Variants in PLXNA2 observed in about 807,000 individuals in gnomAD.
PLXNA2 encodes the protein plexin A2.
A neutral mutation model predicts 193.5 loss-of-function variants in PLXNA2; 91 were observed. That is an observed-to-expected ratio of 0.47 (90% confidence interval 0.40 to 0.56). The LOEUF (loss-of-function observed/expected upper bound fraction) is 0.56. PLXNA2 is among the 20% of genes least tolerant of loss of function. PLXNA2 has a pLI of 0.00. For missense variants in PLXNA2, 1,995 were observed against 2,503.2 expected, an observed-to-expected ratio of 0.80 and a Z score of 4.33; for synonymous variants, 997 against 1,027.3, an observed-to-expected ratio of 0.97 and a Z score of 0.56.
At chr1:208,165,930 G>T (rs1164684191) in intron 3 of PLXNA2, among the ~76,000 whole-genome samples, 1 of 152,120 alleles carries the variant, frequency 6.6e-6, no homozygotes, top group Non-Finnish European at 1.5e-5. Context: ...GCTCAGAAAG[G>T]TCCCCACTAA....
chr1:208,166,103 G>A (rs1332523648), intron 3 of PLXNA2, among the ~76,000 whole-genome samples: 2 of 152,146 alleles, frequency 1.3e-5, no homozygotes, highest in African/African-American at 2.4e-5. Context: ...AATCATAAGG[G>A]CAGATTATGT....
rs999158129 is a variant in PLXNA2 at position 208,024,299 on chromosome 1, G to A, written c.*2944C>T. 3.3e-5 allele frequency: 5 copies of A among 152,114 alleles called. No homozygotes were observed. Among genetic ancestry groups the A allele is most frequent in the African/African-American group, 9.7e-5 (4 of 41,414 alleles). 9.4% of individuals were successfully genotyped at this position (152,114 alleles called of 1,614,324 possible). On this transcript the variant is annotated 3_prime_UTR_variant, in exon 32 of 32. Coordinates refer to ENST00000367033, the MANE Select transcript of PLXNA2 (RefSeq NM_025179.4). ...AAAATATCCTCAAATTGGATAACAGGGAGAAGAGAGGCCAACCAACTCCCT... is the reference window on the plus strand; with the variant it reads ...AAAATATCCTCAAATTGGATAACAGAGAGAAGAGAGGCCAACCAACTCCCT...
chr1:208,236,836 C>A lies in PLXNA2; in HGVS notation c.-81+6807G>T, dbSNP rs990875152. ...CTTCGGAAATACAAGACTACACATACCCACATCATTCTTGAAGATATAGAA... is the reference window on the plus strand; with the variant it reads ...CTTCGGAAATACAAGACTACACATAACCACATCATTCTTGAAGATATAGAA... On this transcript the variant is annotated intron_variant, in intron 1 of 31. Transcript: ENST00000367033. This position sits in a 1 kb window ranked among gnomAD's most constrained non-coding sequence, Gnocchi z 4.4. 1.3e-5 allele frequency among the ~76,000 whole-genome samples: 2 copies of A among 152,210 alleles called. No individual in the cohort carries two copies. The highest frequency in any genetic ancestry group is 2.4e-5 in the African/African-American group (1 of 41,458).
At chr1:208,031,198 T>G (rs1664491380) in intron 29 of PLXNA2, 1 of 1,038,782 alleles carries the variant, frequency 9.6e-7, no homozygotes, top group South Asian at 3.4e-5. Context: ...CCACTCAGAA[T>G]GCCCCACGAT....
In PLXNA2 at chr1:208,090,516, C is replaced by T. The variant is rs186118149; in HGVS notation, c.2097+2270G>A. 2.8e-3 allele frequency among the ~76,000 whole-genome samples: 423 copies of T among 152,174 alleles called. 2 individuals carry two copies. Among genetic ancestry groups the T allele is most frequent in the Non-Finnish European group, 4.4e-3 (301 of 68,012 alleles). On this transcript the variant is annotated intron_variant, in intron 9 of 31. Coordinates refer to ENST00000367033, the MANE Select transcript of PLXNA2 (RefSeq NM_025179.4). Reference sequence around the variant, plus strand: ...GACTTCCGAATGGTGTGAGGAAGGCCGGGCCTGCTTCCAATTAGCCTGCAG... The same window carrying T: ...GACTTCCGAATGGTGTGAGGAAGGCTGGGCCTGCTTCCAATTAGCCTGCAG...
rs1664262473 is a variant in PLXNA2, at chr1:208,023,873, C to G, written c.*3370G>C. The G allele has an allele frequency of 6.6e-6, 1 of 152,290 alleles. No homozygotes were observed. The highest frequency in any genetic ancestry group is 2.1e-4 in the South Asian group (1 of 4,828). 9.4% of individuals were successfully genotyped at this position (152,290 alleles called of 1,614,324 possible). A position where few individuals can be genotyped will look rare whatever the true frequency, so the allele number is the denominator to read the frequency against. Reference sequence around the variant, plus strand: ...GAATGAATGCAGGAAACAGTTCCCTCCTCCAATGAGATTAACAGCTGATCC... The same window carrying G: ...GAATGAATGCAGGAAACAGTTCCCTGCTCCAATGAGATTAACAGCTGATCC... On this transcript the variant is annotated 3_prime_UTR_variant, in exon 32 of 32. Coordinates refer to ENST00000367033, the MANE Select transcript of PLXNA2 (RefSeq NM_025179.4).
intron 4 of PLXNA2, 101 bp downstream of exon 4, chr1:208,142,228 C>T: frequency 1.5e-6 from 2 of 1,325,196 alleles, no homozygotes; most frequent in Non-Finnish European, 2.0e-6. Context: ...GCTGCAAGCC[C>T]AGAGGTCTCT....
chr1:208,094,043 C>T (rs182400711), intron 8 of PLXNA2, among the ~76,000 whole-genome samples: 80 of 152,346 alleles, frequency 5.3e-4, no homozygotes, highest in African/African-American at 1.8e-3. Flanking sequence ...AGCCCATTTA[C>T]ACTTCATCTT....
intron 4 of PLXNA2, among the ~76,000 whole-genome samples, chr1:208,128,623 T>C (rs565406998): frequency 2.0e-5 from 3 of 152,050 alleles, no homozygotes; most frequent in Non-Finnish European, 2.9e-5. Context: ...TTTTCATAGA[T>C]ATTTTCCTTT....
intron 12 of PLXNA2, among the ~76,000 whole-genome samples, chr1:208,078,332 T>C (rs1273041263): frequency 1.3e-5 from 2 of 152,234 alleles, no homozygotes; most frequent in Admixed American, 1.3e-4. Flanking sequence ...GATATAATCA[T>C]AGAGACGTTC....
intron 1 of PLXNA2, among the ~76,000 whole-genome samples, chr1:208,234,179 G>T (rs1671779178): frequency 3.9e-5 from 6 of 152,114 alleles, no homozygotes; most frequent in Non-Finnish European, 7.4e-5. Context: ...TTGGAGGGCA[G>T]TGAATGGCAG....
chr1:208,078,906 C>T (rs1285244516), intron 12 of PLXNA2, among the ~76,000 whole-genome samples: 2 of 152,112 alleles, frequency 1.3e-5, no homozygotes, highest in Non-Finnish European at 2.9e-5. Context: ...CTGAGAAAAG[C>T]TAAACCTGTT....
intron 4 of PLXNA2, among the ~76,000 whole-genome samples, chr1:208,109,801 C>T (rs1193496110): frequency 1.3e-5 from 2 of 152,176 alleles, no homozygotes; most frequent in Non-Finnish European, 1.5e-5. Flanking sequence ...GAGTCCACTG[C>T]GAGATCCGAG....
chr1:208,027,966 T>A, intron 31 of PLXNA2, 43 bp downstream of exon 31: 1 of 1,515,014 alleles, frequency 6.6e-7, no homozygotes, highest in Non-Finnish European at 8.9e-7. Flanking sequence ...GGCTTCCTGC[T>A]CCTTGCCTGT....
At chr1:208,228,184 C>CT (rs1404251691) in intron 1 of PLXNA2, among the ~76,000 whole-genome samples, 2 of 152,124 alleles carry the variant, frequency 1.3e-5, no homozygotes, top group African/African-American at 2.4e-5. Flanking sequence ...TTTTGCAGAC[C>CT]TTCCTTGTTA....
intron 3 of PLXNA2, among the ~76,000 whole-genome samples, chr1:208,163,491 G>C (rs1669198885): frequency 6.6e-6 from 1 of 152,192 alleles, no homozygotes; most frequent in African/African-American, 2.4e-5. Flanking sequence ...GGGAGTTAGA[G>C]AGCTCACCTT....
intron 17 of PLXNA2, among the ~76,000 whole-genome samples, chr1:208,049,318 T>A (rs1665178291): frequency 6.8e-6 from 1 of 147,290 alleles, no homozygotes; most frequent in South Asian, 2.4e-4. Context: ...TTTTTTTTTT[T>A]TTTAAATCCT....
rs115509894 is a variant in PLXNA2 at position 208,039,234 on chromosome 1, G to A, written c.4501-250C>T. Reference sequence around the variant, plus strand: ...TACTTTCTAGCTCCTGGACAGCTTAGGGGAGACTATAGTCCTGGAATGAGG... The same window carrying A: ...TACTTTCTAGCTCCTGGACAGCTTAAGGGAGACTATAGTCCTGGAATGAGG... On this transcript the variant is annotated intron_variant, in intron 24 of 31. Transcript: ENST00000367033. Among the ~76,000 whole-genome samples, 409 of 152,278 alleles carry A rather than the reference G, an allele frequency of 2.7e-3. 2 individuals are homozygous for A. Among genetic ancestry groups the A allele is most frequent in the African/African-American group, 9.4e-3 (390 of 41,544 alleles).
chr1:208,060,831 T>A lies in PLXNA2; in HGVS notation c.2593A>T (p.Thr865Ser). 5.6e-6 allele frequency: 9 copies of A among 1,613,654 alleles called. No individual in the cohort carries two copies. The highest frequency in any genetic ancestry group is 5.9e-6 in the Non-Finnish European group (7 of 1,179,828). The stretch of plus-strand genomic sequence containing the variant: ...CCTCCTTCCGGCGGTCCAGACACCG[T>A]CAAAATCTGCAGGAGGGAAATGGGA... ...CSNPQITEIL[T>S]VSGPPEGGTR... is the part of the protein sequence containing the mutation. Residue 865 changes from threonine to serine, a missense_variant, in exon 13 of 32, where the codon ACG (threonine) becomes TCG (serine). This residue lies in a region of PLXNA2 where 1,291 missense variants were observed against 1,673.6 expected (regional missense o/e 0.77). Coordinates refer to ENST00000367033, the MANE Select transcript of PLXNA2 (RefSeq NM_025179.4).
Sources: allele counts gnomAD v4.1 joint callset (sites outside exome capture counted in the v4.1 genomes callset), GRCh38; gene constraint gnomAD v4.1.1; regional missense constraint gnomAD v4.1.1; non-coding constraint Gnocchi (gnomAD v3.1); transcripts MANE v1.5; gene names NCBI Gene and HGNC (gene_info 2026-07-23, HGNC 2026-07-21).